Variants in WDPCP observed in about 807,000 individuals in gnomAD.
WDPCP encodes WD repeat containing planar cell polarity effector.
Under a neutral mutation model 93.1 loss-of-function variants are expected in WDPCP, and 71 were observed. The ratio of observed to expected loss-of-function variants is 0.76; its 90% confidence interval spans 0.63 to 0.93. WDPCP has a LOEUF of 0.93. Among genes scored for constraint, WDPCP ranks in the 40% least tolerant of loss-of-function variants. The pLI, the probability that WDPCP is intolerant of heterozygous loss-of-function variation, is 0.00. For missense variants in WDPCP, 844 were observed against 887.4 expected, an observed-to-expected ratio of 0.95 and a Z score of 0.62; for synonymous variants, 315 against 315.0, an observed-to-expected ratio of 1.00 and a Z score of 0.00.
At chr2:63,660,096 T>C (rs997437417) in intron 2 of WDPCP, among the ~76,000 whole-genome samples, 1 of 152,218 alleles carries the variant, frequency 6.6e-6, no homozygotes, top group African/African-American at 2.4e-5. Flanking sequence ...AAGGTAAATG[T>C]AGCCTTTTAT....
intron 1 of WDPCP, among the ~76,000 whole-genome samples, chr2:63,824,734 T>C (rs981803131): frequency 6.6e-6 from 1 of 151,960 alleles, no homozygotes; most frequent in African/African-American, 2.4e-5. Flanking sequence ...TGGTCATTTG[T>C]GTATCTCTTT....
At chr2:63,144,911 G>C (rs1193706752) in intron 17 of WDPCP, among the ~76,000 whole-genome samples, 3 of 152,166 alleles carry the variant, frequency 2.0e-5, no homozygotes, top group Non-Finnish European at 2.9e-5. Flanking sequence ...GTTTAGGGCT[G>C]AAGGCTGCTG....
chr2:63,672,538 G>A (rs1271521439), intron 2 of WDPCP, among the ~76,000 whole-genome samples: 1 of 151,950 alleles, frequency 6.6e-6, no homozygotes. Context: ...ATTTTCTTGA[G>A]AGACCAAGAT....
chr2:63,782,614 T>C (rs1670411758), intron 2 of WDPCP, among the ~76,000 whole-genome samples: 1 of 152,184 alleles, frequency 6.6e-6, no homozygotes, highest in African/African-American at 2.4e-5. Context: ...CACAATGAGA[T>C]ATTGTCTTAT....
At chr2:63,664,463 C>T (rs1710262330) in intron 2 of WDPCP, among the ~76,000 whole-genome samples, 1 of 152,196 alleles carries the variant, frequency 6.6e-6, no homozygotes, top group Admixed American at 6.5e-5. Flanking sequence ...ACTGGAGGTG[C>T]TGCTTCCATC....
At chr2:63,441,001 A>C (rs1257563712) in intron 6 of WDPCP, 2 of 152,188 alleles carry the variant, frequency 1.3e-5, no homozygotes, top group African/African-American at 4.8e-5. Context: ...GATTCCAGGC[A>C]CATGATTCAG....
intron 2 of WDPCP, among the ~76,000 whole-genome samples, chr2:63,795,699 G>T (rs1336587842): frequency 6.6e-6 from 1 of 152,042 alleles, no homozygotes; most frequent in Non-Finnish European, 1.5e-5. Context: ...AGGAAAGAAG[G>T]TCAAGAATCC....
At chr2:63,550,230 CACACACACA>C (rs377688330) in intron 1 of WDPCP, among the ~76,000 whole-genome samples, 68,605 of 147,984 alleles carry the variant, frequency 0.46, 17,203 homozygotes, top group East Asian at 0.68. Flanking sequence ...CACACACACA[CACACACACA>C]CCCTTCCTCT....
At chr2:63,197,819 C>T (rs1675569427) in intron 14 of WDPCP, among the ~76,000 whole-genome samples, 1 of 152,196 alleles carries the variant, frequency 6.6e-6, no homozygotes, top group Admixed American at 6.5e-5. Context: ...CACATCTTAC[C>T]TAGCCAAAGA....
At chr2:63,788,240 G>C (rs1337747071) in intron 2 of WDPCP, among the ~76,000 whole-genome samples, 1 of 151,970 alleles carries the variant, frequency 6.6e-6, no homozygotes, top group Non-Finnish European at 1.5e-5. Context: ...AGACCATGAT[G>C]TTCCAGTACA....
chr2:63,141,714 G>A lies in WDPCP; in HGVS notation c.2190+11200C>T, dbSNP rs140137816. On this transcript the variant is annotated intron_variant, in intron 17 of 17. Coordinates refer to ENST00000272321, the MANE Select transcript of WDPCP (RefSeq NM_015910.7). ...GATTGGTACCAATTCTTCTTTGAAT[G>A]TCTGGTAGAATCTGAATGTCTCCTG... Among the ~76,000 whole-genome samples, 773 of 152,258 alleles carry A rather than the reference G, an allele frequency of 5.1e-3. 6 individuals carry two copies. The highest frequency in any genetic ancestry group is 0.018 in the African/African-American group (755 of 41,540).
At chr2:63,346,792 T>G (rs146616537) in intron 12 of WDPCP, among the ~76,000 whole-genome samples, 1 of 152,256 alleles carries the variant, frequency 6.6e-6, no homozygotes, top group Admixed American at 6.5e-5. Flanking sequence ...CTCAAAAAAC[T>G]GCCATGTTCC....
chr2:63,502,671 G>A (rs1701628222), intron 1 of WDPCP, among the ~76,000 whole-genome samples: 1 of 151,772 alleles, frequency 6.6e-6, no homozygotes, highest in Non-Finnish European at 1.5e-5. Flanking sequence ...ATCCCTATGT[G>A]TGTATGAATA....
Position 63,204,336 on chromosome 2 carries a change from C to CTTTTTTT in WDPCP, c.1916-29511_1916-29505dup, listed in dbSNP as rs397872785. On this transcript the variant is annotated intron_variant, in intron 14 of 17. Transcript: ENST00000272321. Reference sequence around the variant, plus strand: ...AGCACATTTTTATATGCCCGTTTGCCTTTTTTTTTTTTTTTTTTTTTTGAG... The same window carrying CTTTTTTT: ...AGCACATTTTTATATGCCCGTTTGCCTTTTTTTTTTTTTTTTTTTTTTTTTTTTTGAG... 1.1e-4 allele frequency among the ~76,000 whole-genome samples: 10 copies of CTTTTTTT among 92,284 alleles called. 1 individual carries two copies. The highest frequency in any genetic ancestry group is 1.3e-4 in the Non-Finnish European group (6 of 46,212). 60.5% of individuals were successfully genotyped at this position (92,284 alleles called of 152,430 possible).
At position 63,670,029 on chromosome 2, in the gene WDPCP, T is replaced by C. The variant is rs139098488; in HGVS notation, n.309-19191A>G. ...TGCTGTGAGGATTAAATGAGGTAGT[T>C]AAGAAAATGATAATAATTGTTAGGT... On this transcript the variant is annotated intron_variant and non_coding_transcript_variant, in intron 2 of 4. Transcript: ENST00000467687. 2.6e-5 allele frequency among the ~76,000 whole-genome samples: 4 copies of C among 152,308 alleles called. No homozygotes were observed. In the East Asian group the frequency reaches 7.7e-4, roughly 29 times the overall value.
chr2:63,558,284 C>A (rs185739603), intron 1 of WDPCP, among the ~76,000 whole-genome samples: 34 of 152,008 alleles, frequency 2.2e-4, no homozygotes, highest in Non-Finnish European at 3.5e-4. Flanking sequence ...AATCCCAGCA[C>A]TTTGGGAGGG....
intron 17 of WDPCP, among the ~76,000 whole-genome samples, chr2:63,139,108 TA>T (rs1267842260): frequency 6.6e-6 from 1 of 152,010 alleles, no homozygotes; most frequent in East Asian, 1.9e-4. Flanking sequence ...TATATACACA[TA>T]AACACATATA....
At chr2:63,609,816 G>A (rs1709596025) in intron 3 of WDPCP, among the ~76,000 whole-genome samples, 1 of 152,178 alleles carries the variant, frequency 6.6e-6, no homozygotes, top group Non-Finnish European at 1.5e-5. Flanking sequence ...AGGTTGCAGT[G>A]AGCCATGATC....
chr2:63,486,010 A>G (rs991539342), intron 4 of WDPCP, among the ~76,000 whole-genome samples: 2 of 151,754 alleles, frequency 1.3e-5, no homozygotes, highest in Non-Finnish European at 3.0e-5. Flanking sequence ...TTTAAAAAAC[A>G]AGAGAACAAA....
Sources: allele counts gnomAD v4.1 joint callset (sites outside exome capture counted in the v4.1 genomes callset), GRCh38; gene constraint gnomAD v4.1.1; transcripts MANE v1.5; gene names NCBI Gene and HGNC (gene_info 2026-07-23, HGNC 2026-07-21).